Variants in DOK6 observed in about 807,000 individuals in gnomAD.
The protein encoded by DOK6 is downstream of tyrosine kinase 6.
DOK6 carries 22 observed loss-of-function variants against 44.0 expected under a neutral mutation model. The ratio of observed to expected loss-of-function variants is 0.50; its 90% CI spans 0.36 to 0.71. The LOEUF (loss-of-function observed/expected upper bound fraction) is 0.71, where lower values mean the gene tolerates loss of function less well. Among genes scored for constraint, DOK6 ranks in the 30% least tolerant of loss-of-function variants. DOK6 has a pLI of 0.00. For missense variants in DOK6, 340 were observed against 416.4 expected, an observed-to-expected ratio of 0.82 and a Z score of 1.60; for synonymous variants, 166 against 145.5, an observed-to-expected ratio of 1.14 and a Z score of -1.01.
intron 7 of DOK6, among the ~76,000 whole-genome samples, chr18:69,776,290 C>A (rs75426347): frequency 0.036 from 5,414 of 151,826 alleles, 255 homozygotes; most frequent in African/African-American, 0.11. Context: ...CACATCTTAA[C>A]GTGTATAAAA....
chr18:69,704,564 C>G, intron 5 of DOK6, among the ~76,000 whole-genome samples: 1 of 149,662 alleles, frequency 6.7e-6, no homozygotes, highest in Middle Eastern at 3.4e-3. Flanking sequence ...CTGCAAGCTC[C>G]GCCTCCTGGG....
At chr18:69,725,689 T>A (rs995428317) in intron 5 of DOK6, among the ~76,000 whole-genome samples, 1 of 152,148 alleles carries the variant, frequency 6.6e-6, no homozygotes, top group African/African-American at 2.4e-5. Context: ...AGTTTCACCA[T>A]GTTGGCCAAG....
intron 2 of DOK6, among the ~76,000 whole-genome samples, chr18:69,597,436 T>C (rs1011401025): frequency 1.3e-5 from 2 of 152,240 alleles, no homozygotes; most frequent in African/African-American, 4.8e-5. Context: ...TAAAGATATC[T>C]GATTGCTAAT....
At chr18:69,457,688 T>C (rs532827453) in intron 1 of DOK6, among the ~76,000 whole-genome samples, 1 of 152,336 alleles carries the variant, frequency 6.6e-6, no homozygotes, top group Admixed American at 6.5e-5. Flanking sequence ...CATTGGTAGT[T>C]TGATAGGAAT....
intron 3 of DOK6, among the ~76,000 whole-genome samples, chr18:69,666,789 C>A (rs1234360007): frequency 6.6e-6 from 1 of 152,186 alleles, no homozygotes; most frequent in African/African-American, 2.4e-5. Flanking sequence ...CTGCTGACAA[C>A]CCTGGGTCAC....
intron 6 of DOK6, among the ~76,000 whole-genome samples, chr18:69,750,236 AG>A (rs1387908020): frequency 2.6e-5 from 4 of 152,022 alleles, no homozygotes; most frequent in East Asian, 3.9e-4. Flanking sequence ...TTGGAAGGGT[AG>A]GGGCTAGAAG....
At position 69,672,277 on chromosome 18, in the gene DOK6, G is replaced by C. The variant is rs375255523; in HGVS notation, c.290-5457G>C. Among the ~76,000 whole-genome samples, 28 of 152,306 alleles carry C rather than the reference G, an allele frequency of 1.8e-4. 1 individual carries two copies. The South Asian group carries it at 2.9e-3, about 16-fold the overall frequency. ...AATCTGACTTCAACAGAAAAAGCTT[G>C]TTCCTGTAGGCTAACCAGAGATCCA... On this transcript the variant is annotated intron_variant, in intron 3 of 7. Coordinates refer to ENST00000382713, the MANE Select transcript of DOK6 (RefSeq NM_152721.6).
chr18:69,562,431 T>C (rs564364872), intron 1 of DOK6, among the ~76,000 whole-genome samples: 126 of 152,342 alleles, frequency 8.3e-4, no homozygotes, highest in Middle Eastern at 3.4e-3. Flanking sequence ...TTTTGGTTAC[T>C]GTAGCCTTGC....
At chr18:69,467,070 T>C (rs1979949599) in intron 1 of DOK6, among the ~76,000 whole-genome samples, 1 of 152,160 alleles carries the variant, frequency 6.6e-6, no homozygotes, top group Non-Finnish European at 1.5e-5. Context: ...TTAACCTTAG[T>C]AAAATTTTTG....
intron 7 of DOK6, among the ~76,000 whole-genome samples, chr18:69,822,074 T>A (rs1981589953): frequency 1.3e-5 from 2 of 152,148 alleles, no homozygotes; most frequent in African/African-American, 4.8e-5. Context: ...TATGAAACTA[T>A]CCAGTTGGTC....
At chr18:69,822,749 T>TC (rs1981612783) in intron 7 of DOK6, among the ~76,000 whole-genome samples, 1 of 152,186 alleles carries the variant, frequency 6.6e-6, no homozygotes, top group Non-Finnish European at 1.5e-5. Flanking sequence ...CGGAGAACAG[T>TC]CTATCAAAAA....
intron 1 of DOK6, among the ~76,000 whole-genome samples, chr18:69,432,527 T>A (rs1428712704): frequency 6.6e-6 from 1 of 152,054 alleles, no homozygotes; most frequent in Non-Finnish European, 1.5e-5. Flanking sequence ...GAGTGAAGAG[T>A]GAACCTTTAA....
chr18:69,412,653 A>C (rs1009439877), intron 1 of DOK6, among the ~76,000 whole-genome samples: 4 of 152,132 alleles, frequency 2.6e-5, no homozygotes, highest in African/African-American at 4.8e-5. Flanking sequence ...TGCCTCCATA[A>C]GTAAAAAAAT....
At position 69,693,859 on chromosome 18, in the gene DOK6, C is replaced by A. The variant is rs939709259; in HGVS notation, c.410-4545C>A. ...GGATCATGAGGTCAGGAGATCGAGA[C>A]CATCCTGGCTAACACAGTGAAACCC... On this transcript the variant is annotated intron_variant, in intron 4 of 7. Transcript: ENST00000382713. Among the ~76,000 whole-genome samples, 220 of 151,476 alleles carry A rather than the reference C, an allele frequency of 1.5e-3. 1 individual carries two copies. Among genetic ancestry groups the A allele is most frequent in the African/African-American group, 5.2e-3 (215 of 41,350 alleles).
chr18:69,414,311 A>G (rs1443642724), intron 1 of DOK6, among the ~76,000 whole-genome samples: 3 of 152,092 alleles, frequency 2.0e-5, no homozygotes, highest in African/African-American at 7.2e-5. Flanking sequence ...CATTTGAAAT[A>G]GTAATAAATT....
chr18:69,688,219 T>A (rs1465324290), intron 4 of DOK6, among the ~76,000 whole-genome samples: 1 of 152,238 alleles, frequency 6.6e-6, no homozygotes, highest in Non-Finnish European at 1.5e-5. Context: ...GATAAACCAC[T>A]TTTATGATTG....
intron 3 of DOK6, among the ~76,000 whole-genome samples, chr18:69,638,819 A>G (rs1030423003): frequency 1.3e-5 from 2 of 152,230 alleles, no homozygotes; most frequent in African/African-American, 4.8e-5. Flanking sequence ...TGTATATAAT[A>G]TACTTGTTTT....
intron 5 of DOK6, among the ~76,000 whole-genome samples, chr18:69,736,036 T>C (rs1978593988): frequency 6.6e-6 from 1 of 152,166 alleles, no homozygotes; most frequent in African/African-American, 2.4e-5. Flanking sequence ...TCCCCAGTTG[T>C]CCTCCTCATG....
intron 1 of DOK6, among the ~76,000 whole-genome samples, chr18:69,474,930 T>C (rs1980219036): frequency 6.6e-6 from 1 of 152,198 alleles, no homozygotes; most frequent in Non-Finnish European, 1.5e-5. Flanking sequence ...TTAAAAACAA[T>C]GTATCCATTC....
Sources: gnomAD v4.1 joint callset for allele counts (sites outside exome capture counted in the v4.1 genomes callset) on GRCh38, gnomAD v4.1.1 for gene constraint, MANE v1.5 for transcripts, NCBI Gene and HGNC (gene_info 2026-07-23, HGNC 2026-07-21) for gene names.